HDAC6: variants seen among roughly 807,000 people sequenced by gnomAD.
HDAC6 encodes the protein protein deacetylase HDAC6.
In HDAC6, 5 loss-of-function variants were observed where a neutral mutation model predicts 88.9. The observed-to-expected ratio is 0.06, with a 90% CI of 0.03 to 0.12. The LOEUF is 0.12. Among genes scored for constraint, HDAC6 ranks in the 10% least tolerant of loss-of-function variants. The probability of loss-of-function intolerance (pLI) is 1.00; values close to 1 mark genes in which losing one functional copy is unlikely to be tolerated. For missense variants in HDAC6, 706 were observed against 1,014.4 expected, an observed-to-expected ratio of 0.70 and a Z score of 4.13; for synonymous variants, 378 against 398.0, an observed-to-expected ratio of 0.95 and a Z score of 0.60.
Position 48,816,240 on chromosome X carries a change from C to T in HDAC6, c.1593C>T (p.Ala531=), listed in dbSNP as rs781937590. The T allele has an allele frequency of 8.3e-7, 1 of 1,211,338 alleles. No homozygotes were observed. The highest frequency in any genetic ancestry group is 1.1e-6 in the Non-Finnish European group (1 of 895,429). Residue 531 remains alanine (A), a synonymous_variant, in exon 18 of 29, where the codon GCC becomes GCT. Coordinates refer to ENST00000334136, the MANE Select transcript of HDAC6 (RefSeq NM_006044.4). ...GCCTCACCCTGACACCGCGCCCTGC[C>T]ACAGAGGCTGAGCTGCTCACCTGTC... The part of the protein sequence containing the change: ...GRCLTLTPRP[A]TEAELLTCHS...
chrX:48,812,196 G>A (rs1290215053), intron 10 of HDAC6, among the ~76,000 whole-genome samples: 1 of 112,471 alleles, frequency 8.9e-6, no homozygotes, highest in African/African-American at 3.2e-5. Context: ...TACACACACA[G>A]ATGTGAAACA....
At position 48,805,643 on chromosome X, in the gene HDAC6, GA is replaced by G; in HGVS notation, c.413del (p.Lys138ArgfsTer4). 8.5e-7 allele frequency: 1 copy of G among 1,179,218 alleles called. No homozygotes were observed. The highest frequency in any genetic ancestry group is 2.4e-5 in the Admixed American group (1 of 40,828). The part of the protein sequence containing the change: ...RCVSFQARFA[E>X]KEELMLVHSL... ...CATCTCTCCCCAGGCCCGGTTTGCT[GA>G]AAAGGAAGAGCTGATGTTGGTTCAC... is the stretch of plus-strand genomic sequence containing the variant. On this transcript the variant is annotated frameshift_variant, in exon 6 of 29. Transcript: ENST00000334136. LOFTEE classifies it high-confidence loss of function.
intron 10 of HDAC6, among the ~76,000 whole-genome samples, chrX:48,812,898 AT>A (rs1255734628): frequency 1.8e-5 from 2 of 109,395 alleles, no homozygotes; most frequent in African/African-American, 6.7e-5. Context: ...CCCCAATGAT[AT>A]TTTTTTCTTT....
chrX:48,806,511 TC>T, intron 7 of HDAC6, 47 bp downstream of exon 7: 1 of 1,065,154 alleles, frequency 9.4e-7, no homozygotes, highest in Non-Finnish European at 1.3e-6. Flanking sequence ...AATCTTGGGG[TC>T]CCCATCCCTA....
chrX:48,816,497 A>C lies in HDAC6; in HGVS notation c.1655A>C (p.Glu552Ala). Residue 552 changes from glutamate to alanine, a missense_variant, in exon 19 of 29, where the codon GAG becomes GCG. This residue lies in a region of HDAC6 where 138 missense variants were observed against 303.5 expected (regional missense o/e 0.45). Coordinates refer to ENST00000334136, the MANE Select transcript of HDAC6 (RefSeq NM_006044.4). ...TACGTGGGTCATCTCCGGGCCACAG[A>C]GAAAATGAAAACCCGGGAGCTGCAC... ...AEYVGHLRAT[E>A]KMKTRELHRE... 1 of 1,208,315 alleles carries C rather than the reference A, an allele frequency of 8.3e-7. No homozygotes were observed. The highest frequency in any genetic ancestry group is 1.8e-5 in the South Asian group (1 of 56,283).
chrX:48,808,313 G>A lies in HDAC6; in HGVS notation c.793G>A (p.Asp265Asn), dbSNP rs782220164. The change falls in exon 10 of 29, where the codon GAC becomes AAC. Residue 265 changes from aspartate (D) to asparagine (N), a missense_variant. Coordinates refer to ENST00000334136, the MANE Select transcript of HDAC6 (RefSeq NM_006044.4). Reference sequence around the variant, plus strand: ...CGGTCAAGGAACACAGTTCACCTTCGACCAGGACCCCAGGTATACCCCGAC... The same window carrying A: ...CGGTCAAGGAACACAGTTCACCTTCAACCAGGACCCCAGGTATACCCCGAC... ...HHGQGTQFTF[D>N]QDPSVLYFSI... The A allele has an allele frequency of 6.1e-5, 73 of 1,199,908 alleles. No individual in the cohort carries two copies. Among genetic ancestry groups the A allele is most frequent in the Non-Finnish European group, 7.9e-5 (70 of 888,554 alleles).
Position 48,822,995 on chromosome X carries a change from C to T in HDAC6, c.2596C>T (p.Arg866Trp), listed in dbSNP as rs201845777. The change falls in exon 25 of 29, where the codon CGG becomes TGG. Residue 866 changes from arginine (R) to tryptophan (W), a missense_variant. Arg to Trp is a moderately radical substitution (Grantham distance 101). Coordinates refer to ENST00000334136, the MANE Select transcript of HDAC6 (RefSeq NM_006044.4). ...PQPAKPRLAE[R>W]MTTREKKVLE... is the part of the protein sequence containing the mutation. Reference sequence around the variant, plus strand: ...ACCAGCCAAACCTAGGTTAGCTGAGCGGATGACCACACGAGAAAAGAAGGT... The same window carrying T: ...ACCAGCCAAACCTAGGTTAGCTGAGTGGATGACCACACGAGAAAAGAAGGT... 107 of 1,208,806 alleles carry T rather than the reference C, an allele frequency of 8.9e-5. 1 individual carries two copies. The highest frequency in any genetic ancestry group is 7.7e-4 in the Admixed American group (35 of 45,657).
chrX:48,814,546 A>G lies in HDAC6; in HGVS notation c.913A>G (p.Ile305Val), dbSNP rs995027494. Residue 305 changes from isoleucine (I) to valine (V), a missense_variant, in exon 11 of 29, where the codon ATC (isoleucine) becomes GTC (valine). This residue lies in a region of HDAC6 where 193 missense variants were observed against 258.2 expected (regional missense o/e 0.75). Transcript: ENST00000334136. The stretch of plus-strand genomic sequence containing the variant: ...TTTCGGCCAAGGCCAAGGATATACC[A>G]TCAATGTGCCTTGGAACCAGGTCAG... Reference protein sequence around the residue: ...TGFGQGQGYTINVPWNQVGMR... With the variant: ...TGFGQGQGYTVNVPWNQVGMR... 8.2e-7 allele frequency: 1 copy of G among 1,212,287 alleles called. No individual in the cohort carries two copies. The highest frequency in any genetic ancestry group is 1.1e-6 in the Non-Finnish European group (1 of 895,558).
At chrX:48,818,763 G>A (rs1212565541) in intron 22 of HDAC6, among the ~76,000 whole-genome samples, 1 of 112,412 alleles carries the variant, frequency 8.9e-6, no homozygotes, top group Non-Finnish European at 1.9e-5. Flanking sequence ...GCGACTCTGT[G>A]CAGGCAGGTA....
At position 48,816,639 on chromosome X, in the gene HDAC6, T is replaced by A; in HGVS notation, c.1791+6T>A. 1 of 1,200,430 alleles carries A rather than the reference T, an allele frequency of 8.3e-7. No homozygotes were observed. Among genetic ancestry groups the A allele is most frequent in the Non-Finnish European group, 1.1e-6 (1 of 889,145 alleles). The stretch of plus-strand genomic sequence containing the variant: ...AGGCTGTGCTCTCAGGAGAGGTGTG[T>A]CCTCTGTGGGCTGGGGAGAGGAGGA... On this transcript the variant is annotated splice_donor_region_variant and intron_variant, in intron 19 of 28. Transcript: ENST00000334136.
At chrX:48,803,257 TAC>T in intron 4 of HDAC6, 41 bp downstream of exon 4, 1 of 986,738 alleles carries the variant, frequency 1.0e-6, no homozygotes, top group Non-Finnish European at 1.4e-6. Context: ...ACCACAAAAA[TAC>T]ACACACTTAG....
rs142774634 is a variant in HDAC6, at chrX:48,823,226, G to A, written c.2827G>A (p.Val943Ile). Reference protein sequence around the residue: ...MLGQTTSEEAVGGATPDQTTS... With the variant: ...MLGQTTSEEAIGGATPDQTTS... ...GGGCCAGACCACCTCAGAGGAGGCT[G>A]TCGGGGGAGCCACTCCGGACCAGAC... The change falls in exon 25 of 29, where the codon GTC becomes ATC. Residue 943 changes from valine (V) to isoleucine (I), a missense_variant. Transcript: ENST00000334136. The A allele has an allele frequency of 8.3e-6, 10 of 1,200,071 alleles. No homozygotes were observed. The African/African-American group carries it at 1.8e-4, about 21-fold the overall frequency.
chrX:48,820,825 T>TTTG (rs374985832), intron 23 of HDAC6, among the ~76,000 whole-genome samples: 3,283 of 110,857 alleles, frequency 0.03, 140 homozygotes, highest in African/African-American at 0.1. Context: ...GATCTGGTTT[T>TTTG]TTGTTGTTGT....
chrX:48,815,270 C>G (rs782482870), intron 14 of HDAC6, 114 bp from the exon 15 acceptor site: 28 of 600,316 alleles, frequency 4.7e-5, no homozygotes, highest in Admixed American at 1.4e-4. Flanking sequence ...AGGCACCCTT[C>G]TAAGTTCCTT....
upstream of HDAC6, chrX:48,801,542 T>C (rs2062726620): frequency 5.1e-6 from 1 of 195,836 alleles, no homozygotes; most frequent in Admixed American, 7.3e-5. Context: ...GGCTATGGCA[T>C]CCGGGACGAC....
In HDAC6 at chrX:48,814,649, C is replaced by A. The variant is rs1192898742; in HGVS notation, c.934-26C>A. 5.0e-6 allele frequency: 6 copies of A among 1,206,327 alleles called. No individual in the cohort carries two copies. In the East Asian group the frequency reaches 1.5e-4, roughly 30 times the overall value. ...CGGCTCGGGACAGGTGGCTGAACAT[C>A]CCCCATCACACTCCTGTGTCTGCAG... On this transcript the variant is annotated intron_variant, in intron 11 of 28. Transcript: ENST00000334136.
At chrX:48,819,698 C>G (rs975456096) in intron 22 of HDAC6, 5 of 249,606 alleles carry the variant, frequency 2.0e-5, no homozygotes, top group Non-Finnish European at 3.0e-5. Flanking sequence ...CTCCCGCCAC[C>G]ACGTCTGGCT....
intron 10 of HDAC6, among the ~76,000 whole-genome samples, chrX:48,809,523 G>T (rs2062866911): frequency 9.0e-6 from 1 of 111,280 alleles, no homozygotes; most frequent in African/African-American, 3.3e-5. Flanking sequence ...AGGATTTTAG[G>T]GCCGGGTGAA....
intron 10 of HDAC6, among the ~76,000 whole-genome samples, chrX:48,813,061 C>A (rs2062926053): frequency 8.9e-6 from 1 of 111,815 alleles, no homozygotes; most frequent in South Asian, 3.7e-4. Flanking sequence ...GCACGCGCCA[C>A]CACGCCCAGC....
Sources: allele counts gnomAD v4.1 joint callset (sites outside exome capture counted in the v4.1 genomes callset), GRCh38; gene constraint gnomAD v4.1.1; regional missense constraint gnomAD v4.1.1; transcripts MANE v1.5; gene names NCBI Gene and HGNC (gene_info 2026-07-23, HGNC 2026-07-21).